CWF19L1: variants seen among roughly 807,000 people sequenced by gnomAD.
CWF19L1 encodes the protein CWF19 like cell cycle control factor 1, also known as CWF19-like protein 1.
In CWF19L1, 60 loss-of-function variants were observed where a neutral mutation model predicts 69.7. The ratio of observed to expected loss-of-function variants is 0.86; its 90% CI spans 0.70 to 1.07. The LOEUF (loss-of-function observed/expected upper bound fraction) is 1.07, where lower values mean the gene tolerates loss of function less well. CWF19L1 is among the 50% of genes least tolerant of loss of function. CWF19L1 has a pLI of 0.00. For synonymous variants in CWF19L1, 209 were observed against 222.2 expected, an observed-to-expected ratio of 0.94 and a Z score of 0.53; for missense variants, 591 against 638.9, an observed-to-expected ratio of 0.92 and a Z score of 0.81.
chr10:100,258,873 A>G (rs756280026), intron 4 of CWF19L1, among the ~76,000 whole-genome samples: 1 of 151,154 alleles, frequency 6.6e-6, no homozygotes, highest in Non-Finnish European at 1.5e-5. Flanking sequence ...TAAGACCAAC[A>G]AGGAGGAAAT....
intron 10 of CWF19L1, among the ~76,000 whole-genome samples, chr10:100,242,673 C>CAA (rs397844633): frequency 1.4e-4 from 12 of 88,738 alleles, no homozygotes; most frequent in Non-Finnish European, 2.5e-4. Context: ...GACTCCATCT[C>CAA]AAAAAAAAAA....
intron 10 of CWF19L1, among the ~76,000 whole-genome samples, chr10:100,243,435 A>T (rs71488049): frequency 1.3e-5 from 2 of 152,154 alleles, no homozygotes; most frequent in Non-Finnish European, 2.9e-5. Context: ...CAAACTATGG[A>T]GATAGTAAGT....
chr10:100,238,096 G>A lies in CWF19L1; in HGVS notation c.1180C>T (p.Arg394Trp), dbSNP rs372238581. The change falls in exon 11 of 14, where the codon CGG becomes TGG. Residue 394 changes from arginine to tryptophan, a missense_variant. By Grantham distance (101) the Arg-to-Trp change is moderately radical. Transcript: ENST00000354105. ...CATTTCCCTCGACTCTTAAAGAACC[G>A]TCTCAGAGTGGCCTTATACTTCTCC... ...EVEKYKATLRRFFKSRGKWCV... is the reference protein window; with the variant it reads ...EVEKYKATLRWFFKSRGKWCV... 30 of 1,613,916 alleles carry A rather than the reference G, an allele frequency of 1.9e-5. No individual in the cohort carries two copies. The highest frequency in any genetic ancestry group is 2.2e-5 in the Non-Finnish European group (26 of 1,180,018).
intron 7 of CWF19L1, among the ~76,000 whole-genome samples, chr10:100,247,907 CA>C (rs1385485560): frequency 6.6e-6 from 1 of 150,914 alleles, no homozygotes. Flanking sequence ...AACAAACAAA[CA>C]AAAACTTTGA....
At chr10:100,246,552 G>A (rs1846824313) in intron 8 of CWF19L1, among the ~76,000 whole-genome samples, 1 of 152,116 alleles carries the variant, frequency 6.6e-6, no homozygotes, top group Non-Finnish European at 1.5e-5. Flanking sequence ...AAATAAAACT[G>A]TAACCCCAAA....
chr10:100,243,823 A>G (rs768177245), intron 9 of CWF19L1, 46 bp from the exon 10 acceptor site: 2 of 1,454,098 alleles, frequency 1.4e-6, no homozygotes, highest in Admixed American at 1.7e-5. Context: ...CAAGCACTAC[A>G]GCATATAATC....
chr10:100,245,698 C>T, intron 9 of CWF19L1, 101 bp downstream of exon 9: 1 of 825,822 alleles, frequency 1.2e-6, no homozygotes, highest in East Asian at 2.5e-5. Context: ...GCACAATTCT[C>T]CCCTGCCAGA....
chr10:100,264,389 C>CA (rs1194889555), intron 1 of CWF19L1, among the ~76,000 whole-genome samples: 1 of 151,816 alleles, frequency 6.6e-6, no homozygotes, highest in Non-Finnish European at 1.5e-5. Flanking sequence ...ACTAAAAATA[C>CA]AAAAAATTAG....
At chr10:100,250,759 AAC>A (rs35256008) in intron 6 of CWF19L1, among the ~76,000 whole-genome samples, 9,578 of 152,054 alleles carry the variant, frequency 0.063, 348 homozygotes, top group African/African-American at 0.097. Context: ...CACCCTGGGC[AAC>A]ACAGTGAGAC....
intron 2 of CWF19L1, 91 bp downstream of exon 2, chr10:100,261,888 T>C: frequency 9.2e-7 from 1 of 1,082,846 alleles, no homozygotes; most frequent in South Asian, 1.7e-5. Context: ...AAAAATGGTA[T>C]GTGTTCAATC....
chr10:100,238,705 G>T (rs1846535225), intron 10 of CWF19L1, among the ~76,000 whole-genome samples: 1 of 152,134 alleles, frequency 6.6e-6, no homozygotes, highest in Non-Finnish European at 1.5e-5. Flanking sequence ...CGAGGCAGGT[G>T]GACCGCCTGA....
chr10:100,232,734 A>G lies in CWF19L1; in HGVS notation c.*493T>C, dbSNP rs1477649925. ...GGCCTTAACATAGGATTTTCATCCTAGAATGACTTTTCCCCAAAAAGATTC... is the reference window on the plus strand; with the variant it reads ...GGCCTTAACATAGGATTTTCATCCTGGAATGACTTTTCCCCAAAAAGATTC... On this transcript the variant is annotated 3_prime_UTR_variant, in exon 14 of 14. Transcript: ENST00000354105. The G allele has an allele frequency of 1.3e-5, 2 of 152,288 alleles. No individual in the cohort carries two copies. Among genetic ancestry groups the G allele is most frequent in the Non-Finnish European group, 2.9e-5 (2 of 68,106 alleles). The allele number at this position is 152,288 out of a possible 1,614,324, so 9.4% of individuals were successfully genotyped here.
chr10:100,250,774 T>G (rs991244550), intron 6 of CWF19L1, among the ~76,000 whole-genome samples: 3 of 151,958 alleles, frequency 2.0e-5, no homozygotes, highest in Non-Finnish European at 4.4e-5. Context: ...AGTGAGACTC[T>G]GTCTCTACAA....
chr10:100,265,507 T>C (rs1847546640), intron 1 of CWF19L1, among the ~76,000 whole-genome samples: 1 of 146,912 alleles, frequency 6.8e-6, no homozygotes, highest in South Asian at 2.1e-4. Context: ...GTATACAGTA[T>C]TTTCTTTTTT....
Position 100,260,391 on chromosome 10 carries a change from T to C in CWF19L1, c.188-72A>G, listed in dbSNP as rs752071401. 8 of 779,672 alleles carry C rather than the reference T, an allele frequency of 1.0e-5. No homozygotes were observed. The Admixed American group carries it at 1.4e-4, about 14-fold the overall frequency. The allele number at this position is 779,672 out of a possible 1,614,324, so 48.3% of individuals were successfully genotyped here. On this transcript the variant is annotated intron_variant, in intron 3 of 13. Transcript: ENST00000354105. ...TTAGAACTTAAGATATGCCTCTCTA[T>C]AGAAAAAATACTTATATTAAAAGTA...
chr10:100,238,154 C>A lies in CWF19L1; in HGVS notation c.1122G>T (p.Val374=), dbSNP rs750573350. ...CTACCACCTCTGCTGAAAGCTCCAC[C>A]ACTGACTGGTAGTGTCCAATAGGCA... The part of the protein sequence containing the change: ...LILPIGHYQS[V]VELSAEVVEE... Residue 374 remains valine, a synonymous_variant, in exon 11 of 14, where the codon GTG becomes GTT. Coordinates refer to ENST00000354105, the MANE Select transcript of CWF19L1 (RefSeq NM_018294.6). 6 of 1,614,056 alleles carry A rather than the reference C, an allele frequency of 3.7e-6. No homozygotes were observed. The African/African-American group carries it at 8.0e-5, about 22-fold the overall frequency.
intron 11 of CWF19L1, chr10:100,237,375 G>A (rs1392179835): frequency 2.4e-6 from 1 of 417,430 alleles, no homozygotes; most frequent in East Asian, 5.9e-5. Context: ...CTACCACTAA[G>A]CTTTCCCTCA....
intron 10 of CWF19L1, among the ~76,000 whole-genome samples, chr10:100,241,666 G>A (rs1334600955): frequency 6.6e-6 from 1 of 152,248 alleles, no homozygotes; most frequent in Admixed American, 6.5e-5. Flanking sequence ...AAGTCGAAGT[G>A]CATAGCACTG....
intron 10 of CWF19L1, among the ~76,000 whole-genome samples, chr10:100,243,253 C>T (rs1482260407): frequency 2.0e-5 from 3 of 152,030 alleles, no homozygotes; most frequent in African/African-American, 2.4e-5. Context: ...CAGATATAGA[C>T]GAAATGTGGT....
Sources: gnomAD v4.1 joint callset for allele counts (sites outside exome capture counted in the v4.1 genomes callset) on GRCh38, gnomAD v4.1.1 for gene constraint, MANE v1.5 for transcripts, NCBI Gene and HGNC (gene_info 2026-07-23, HGNC 2026-07-21) for gene names.